LCLAT1: variants seen among roughly 807,000 people sequenced by gnomAD.
LCLAT1 encodes 1-AGP acyltransferase 8.
A neutral mutation model predicts 30.7 loss-of-function variants in LCLAT1; 11 were observed. The observed-to-expected ratio is 0.36, with a 90% CI of 0.23 to 0.59. LCLAT1 has a LOEUF of 0.59. LCLAT1 is among the 20% of genes least tolerant of loss of function. LCLAT1 has a pLI of 0.77. For missense variants in LCLAT1, 402 were observed against 458.6 expected (o/e 0.88, Z 1.13); for synonymous variants, 155 against 151.3 (o/e 1.02, Z -0.18).
intron 5 of LCLAT1, among the ~76,000 whole-genome samples, chr2:30,570,704 A>G (rs1383919731): frequency 2.0e-5 from 3 of 152,204 alleles, no homozygotes; most frequent in Non-Finnish European, 4.4e-5. Flanking sequence ...GTGAGCTGGA[A>G]TATTTTCTTT....
chr2:30,593,844 G>T (rs1162400939), intron 5 of LCLAT1, among the ~76,000 whole-genome samples: 1 of 150,482 alleles, frequency 6.6e-6, no homozygotes, highest in African/African-American at 2.4e-5. Flanking sequence ...GATTGCTTGA[G>T]CCCAGGAGGT....
intron 1 of LCLAT1, among the ~76,000 whole-genome samples, chr2:30,512,992 A>G (rs899217591): frequency 6.6e-6 from 1 of 152,194 alleles, no homozygotes; most frequent in Non-Finnish European, 1.5e-5. Context: ...CTTGACAAGT[A>G]CTGCCTTATT....
chr2:30,533,283 C>T lies in LCLAT1; in HGVS notation c.333C>T (p.Leu111=). 1 of 1,614,046 alleles carries T rather than the reference C, an allele frequency of 6.2e-7. No homozygotes were observed. The highest frequency in any genetic ancestry group is 8.5e-7 in the Non-Finnish European group (1 of 1,179,928). ...YSYLRLEKIC[L]KASLKGVPGF... is the part of the protein sequence containing the mutation. ...ACCTCAGATTGGAGAAAATTTGCCT[C>T]AAAGCGAGTCTCAAAGGTGTTCCTG... The change falls in exon 3 of 6, where the codon CTC becomes CTT. Residue 111 remains leucine, a synonymous_variant. Transcript: ENST00000379509.
chr2:30,554,655 G>A (rs945449935), intron 3 of LCLAT1, among the ~76,000 whole-genome samples: 1 of 152,124 alleles, frequency 6.6e-6, no homozygotes, highest in African/African-American at 2.4e-5. Context: ...CATATAGTAA[G>A]CACACAGTAA....
intron 1 of LCLAT1, among the ~76,000 whole-genome samples, chr2:30,491,445 G>A (rs918604935): frequency 3.9e-5 from 6 of 152,156 alleles, no homozygotes; most frequent in African/African-American, 1.2e-4. Flanking sequence ...ATTGTTAGTC[G>A]AGTGAGTAAT....
At position 30,617,358 on chromosome 2, in the gene LCLAT1, C is replaced by A. The variant is rs982001889; in HGVS notation, c.629-22759C>A. On this transcript the variant is annotated intron_variant, in intron 5 of 5. Coordinates refer to ENST00000379509, the MANE Select transcript of LCLAT1 (RefSeq NM_001002257.3). ...GTTTCATCCATATTGCTGCATGAAT[C>A]TGTAGTTTATTCCTTTTTATTGCTG... Among the ~76,000 whole-genome samples, 6 of 152,164 alleles carry A rather than the reference C, an allele frequency of 3.9e-5. No individual in the cohort carries two copies. In the East Asian group the frequency reaches 5.8e-4, roughly 15 times the overall value.
In LCLAT1 at chr2:30,533,132, TG is replaced by T. The variant is rs1352056913; in HGVS notation, c.183del (p.Met61IlefsTer4). 1 of 1,613,124 alleles carries T rather than the reference TG, an allele frequency of 6.2e-7. No homozygotes were observed. Among genetic ancestry groups the T allele is most frequent in the Non-Finnish European group, 8.5e-7 (1 of 1,179,050 alleles). ...TTTTCTTAGGCATTATTGGAGACCA[TG>T]TTTGGTGTAAAAGTGATTATAACTG... The part of the protein sequence containing the change: ...LTLPVALLET[M>X]FGVKVIITGD... On this transcript the variant is annotated frameshift_variant, in exon 3 of 6. Coordinates refer to ENST00000379509, the MANE Select transcript of LCLAT1 (RefSeq NM_001002257.3). LOFTEE classifies it high-confidence loss of function.
chr2:30,485,195 G>C (rs1334950323), intron 1 of LCLAT1, among the ~76,000 whole-genome samples: 1 of 152,148 alleles, frequency 6.6e-6, no homozygotes, highest in African/African-American at 2.4e-5. Flanking sequence ...ATTATCAGCA[G>C]ATGTTTTCCA....
intron 5 of LCLAT1, among the ~76,000 whole-genome samples, chr2:30,611,059 T>G (rs1572695621): frequency 6.6e-6 from 1 of 151,810 alleles, no homozygotes; most frequent in East Asian, 1.9e-4. Context: ...AATTCTGGCT[T>G]CACCACTGCT....
intron 1 of LCLAT1, among the ~76,000 whole-genome samples, chr2:30,487,403 A>G (rs1450332954): frequency 4.6e-5 from 7 of 152,214 alleles, no homozygotes. Context: ...AACATAAAAT[A>G]GTGACATTTG....
chr2:30,638,362 G>A (rs1669136089), intron 5 of LCLAT1, among the ~76,000 whole-genome samples: 1 of 152,170 alleles, frequency 6.6e-6, no homozygotes, highest in Admixed American at 6.5e-5. Context: ...ACATATGTAA[G>A]CATCATGTAA....
intron 5 of LCLAT1, among the ~76,000 whole-genome samples, chr2:30,611,083 CTT>C (rs369145708): frequency 2.2e-5 from 3 of 138,850 alleles, no homozygotes; most frequent in Admixed American, 7.2e-5. Context: ...CTACTTTTAG[CTT>C]TTTTTTTTTT....
intron 5 of LCLAT1, chr2:30,607,755 CTTG>C (rs1273482106): frequency 6.6e-6 from 1 of 151,750 alleles, no homozygotes; most frequent in Non-Finnish European, 1.5e-5. Context: ...CAGCTCCATG[CTTG>C]TTATTACCTC....
At chr2:30,567,521 C>T (rs569132312) in intron 4 of LCLAT1, among the ~76,000 whole-genome samples, 1 of 152,146 alleles carries the variant, frequency 6.6e-6, no homozygotes, top group Non-Finnish European at 1.5e-5. Context: ...TGAAACAAAC[C>T]AGGCATGGAG....
At chr2:30,572,326 GTTC>G (rs1215961857) in intron 5 of LCLAT1, among the ~76,000 whole-genome samples, 2 of 152,292 alleles carry the variant, frequency 1.3e-5, no homozygotes, top group Non-Finnish European at 2.9e-5. Context: ...CACTTATCAA[GTTC>G]TTCTTATGTA....
Position 30,643,655 on chromosome 2 carries a change from C to T in LCLAT1, c.*3036C>T, listed in dbSNP as rs1011360851. 1 of 152,574 alleles carries T rather than the reference C, an allele frequency of 6.6e-6. No individual in the cohort carries two copies. The highest frequency in any genetic ancestry group is 2.4e-5 in the African/African-American group (1 of 41,416). 9.5% of individuals were successfully genotyped at this position (152,574 alleles called of 1,614,324 possible). On this transcript the variant is annotated 3_prime_UTR_variant, in exon 6 of 6. Coordinates refer to ENST00000379509, the MANE Select transcript of LCLAT1 (RefSeq NM_001002257.3). ...TTCACCCAGACTTCAAACTCTAGCC[C>T]TGACTATGATGCCCCTGTGTGCATT...
intron 5 of LCLAT1, among the ~76,000 whole-genome samples, chr2:30,584,072 T>G (rs1259360326): frequency 2.0e-5 from 3 of 152,030 alleles, no homozygotes; most frequent in Non-Finnish European, 4.4e-5. Context: ...CCCCTCCCTG[T>G]GTCCATGTGT....
chr2:30,584,171 C>T (rs773772017), intron 5 of LCLAT1, among the ~76,000 whole-genome samples: 2 of 152,164 alleles, frequency 1.3e-5, no homozygotes, highest in Non-Finnish European at 2.9e-5. Context: ...TCCCGTCAGC[C>T]AAACTGGTCT....
Position 30,574,029 on chromosome 2 carries a change from A to G in LCLAT1, c.628+5853A>G, listed in dbSNP as rs985430762. Among the ~76,000 whole-genome samples the G allele has an allele frequency of 2.0e-5, 3 of 151,902 alleles. No individual in the cohort carries two copies. The South Asian group carries it at 6.2e-4, about 32-fold the overall frequency. ...TGTGGCACACACCTCTTAATCCCAG[A>G]TATTCGGGAGGCTGAGGCACGGGAA... On this transcript the variant is annotated intron_variant, in intron 5 of 5. Transcript: ENST00000379509.
Sources: allele counts gnomAD v4.1 joint callset (sites outside exome capture counted in the v4.1 genomes callset), GRCh38; gene constraint gnomAD v4.1.1; transcripts MANE v1.5; gene names NCBI Gene and HGNC (gene_info 2026-07-23, HGNC 2026-07-21).